CTBS: variants seen among roughly 807,000 people sequenced by gnomAD.
CTBS encodes chitobiase.
CTBS carries 35 observed loss-of-function variants against 44.3 expected under a neutral mutation model. That is an observed-to-expected ratio of 0.79 (90% confidence interval 0.60 to 1.05). The LOEUF (loss-of-function observed/expected upper bound fraction) is 1.05. Ranked by LOEUF, CTBS falls within the 50% of genes least tolerant of loss-of-function variation. The pLI is 0.00. For missense variants in CTBS, 458 were observed against 475.3 expected, an observed-to-expected ratio of 0.96 and a Z score of 0.34; for synonymous variants, 143 against 168.0, an observed-to-expected ratio of 0.85 and a Z score of 1.15.
intron 6 of CTBS, among the ~76,000 whole-genome samples, chr1:84,557,471 C>T (rs1223500492): frequency 4.5e-5 from 6 of 133,122 alleles, no homozygotes; most frequent in Non-Finnish European, 1.5e-5. Context: ...AGGCGGAGGG[C>T]GCAGTCAGCC....
Position 84,574,251 on chromosome 1 carries a change from A to T in CTBS, c.165T>A (p.His55Gln). The T allele has an allele frequency of 6.2e-7, 1 of 1,604,652 alleles. No individual in the cohort carries two copies. The highest frequency in any genetic ancestry group is 8.5e-7 in the Non-Finnish European group (1 of 1,176,500). The change falls in exon 1 of 7, where the codon CAT becomes CAA. Residue 55 changes from histidine to glutamine, a missense_variant. Physicochemically the swap from His to Gln is conservative, Grantham distance 24. Transcript: ENST00000370630. ...GGAAGGCGCTGACCTCGAAATCTGG[A>T]TGGTGGCGAATCGGGCGGCAGAGCT... ...EPELCRPIRHHPDFEVFVFDV... is the reference protein window; with the variant it reads ...EPELCRPIRHQPDFEVFVFDV...
chr1:84,566,992 C>T (rs188434750), intron 3 of CTBS, among the ~76,000 whole-genome samples: 2 of 152,260 alleles, frequency 1.3e-5, no homozygotes, highest in Non-Finnish European at 2.9e-5. Context: ...ATGTTTATTG[C>T]CTTAACCAAA....
At position 84,555,145 on chromosome 1, in the gene CTBS, A is replaced by T. The variant is rs775088103; in HGVS notation, c.1012T>A (p.Leu338Ile). ...TAGTTTTGTATATATGTTGCCTTTAAAGAAATACTCTGAGGGTTATCATAC... is the reference window on the plus strand; with the variant it reads ...TAGTTTTGTATATATGTTGCCTTTATAGAAATACTCTGAGGGTTATCATAC... ...VWYDNPQSIS[L>I]KATYIQNYRL... The change falls in exon 7 of 7, where the codon TTA (leucine) becomes ATA (isoleucine). Residue 338 changes from leucine (L) to isoleucine (I), a missense_variant. Transcript: ENST00000370630. 2 of 1,614,078 alleles carry T rather than the reference A, an allele frequency of 1.2e-6. No homozygotes were observed. Among genetic ancestry groups the T allele is most frequent in the Admixed American group, 3.3e-5 (2 of 60,024 alleles).
chr1:84,570,031 A>G lies in CTBS; in HGVS notation c.425T>C (p.Ile142Thr), dbSNP rs759256831. The change falls in exon 3 of 7, where the codon ATA becomes ACA. Residue 142 changes from isoleucine to threonine, a missense_variant. By Grantham distance (89) the Ile-to-Thr change is moderately conservative (BLOSUM62 -1). Transcript: ENST00000370630. The stretch of plus-strand genomic sequence containing the variant: ...TGATAAACAATTAACTTCTTGCTCT[A>G]TATCTATATTAATTCCATCCATATA... ...TQYMDGINID[I>T]EQEVNCLSPE... 1.9e-6 allele frequency: 3 copies of G among 1,613,626 alleles called. No homozygotes were observed. Among genetic ancestry groups the G allele is most frequent in the Admixed American group, 1.7e-5 (1 of 59,994 alleles).
intron 3 of CTBS, among the ~76,000 whole-genome samples, chr1:84,569,158 C>T (rs1647217769): frequency 6.6e-6 from 1 of 152,106 alleles, no homozygotes; most frequent in African/African-American, 2.4e-5. Context: ...ACCCCGTCTT[C>T]AAAAAAACTC....
chr1:84,560,133 G>A (rs372700162), intron 6 of CTBS, among the ~76,000 whole-genome samples: 8 of 136,842 alleles, frequency 5.8e-5, no homozygotes, highest in Admixed American at 1.4e-4. Flanking sequence ...AAGAAAGAAA[G>A]GAAAGAAAGA....
intron 3 of CTBS, among the ~76,000 whole-genome samples, chr1:84,569,703 G>A (rs1302789539): frequency 1.3e-5 from 2 of 152,230 alleles, no homozygotes; most frequent in African/African-American, 4.8e-5. Flanking sequence ...AAGGCAAGTA[G>A]TGGGGGTAAT....
At position 84,563,365 on chromosome 1, in the gene CTBS, G is replaced by A. The variant is rs367692581; in HGVS notation, c.849C>T (p.Asp283=). Residue 283 remains aspartate, a synonymous_variant, in exon 6 of 7, where the codon GAC becomes GAT. Transcript: ENST00000370630. ...TGTAGGGCACCTGACGTCCTGCAGC[G>A]TCACTACAAGGAGCCCCCCGGAAAG... ...KVPFRGAPCS[D]AAGRQVPYKT... is the part of the protein sequence containing the mutation. The A allele has an allele frequency of 1.8e-5, 29 of 1,592,968 alleles. No homozygotes were observed. The highest frequency in any genetic ancestry group is 3.5e-5 in the Admixed American group (2 of 56,468).
Position 84,554,684 on chromosome 1 carries a change from A to G in CTBS, c.*315T>C, listed in dbSNP as rs1684376110. 4 of 209,438 alleles carry G rather than the reference A, an allele frequency of 1.9e-5. No individual in the cohort carries two copies. Among genetic ancestry groups the G allele is most frequent in the Non-Finnish European group, 3.9e-5 (4 of 103,698 alleles). The allele number at this position is 209,438 out of a possible 1,614,324, so 13.0% of individuals were successfully genotyped here. A position where few individuals can be genotyped will look rare whatever the true frequency, so the allele number is the denominator to read the frequency against. ...TAAAAATCAGCATTGATTCGTGAGCATATATTTTACTATAATGAAGGGAAA... is the reference window on the plus strand; with the variant it reads ...TAAAAATCAGCATTGATTCGTGAGCGTATATTTTACTATAATGAAGGGAAA... On this transcript the variant is annotated 3_prime_UTR_variant, in exon 7 of 7. Transcript: ENST00000370630.
chr1:84,570,159 C>A lies in CTBS; in HGVS notation c.317-20G>T, dbSNP rs1419783563. The A allele has an allele frequency of 5.0e-6, 8 of 1,585,282 alleles. No individual in the cohort carries two copies. Among genetic ancestry groups the A allele is most frequent in the Non-Finnish European group, 6.9e-6 (8 of 1,162,586 alleles). On this transcript the variant is annotated intron_variant, in intron 2 of 6. Coordinates refer to ENST00000370630, the MANE Select transcript of CTBS (RefSeq NM_004388.3). ...CATCTCCTGTGGAAGAAGTATATAT[C>A]TTTTGAACATGTATGCAAAAACATT...
intron 6 of CTBS, chr1:84,555,948 T>C (rs1278111164): frequency 6.6e-6 from 1 of 152,232 alleles, no homozygotes; most frequent in Non-Finnish European, 1.5e-5. Flanking sequence ...CTACAGAAGA[T>C]TTTGTTTATG....
At chr1:84,565,816 T>C in intron 4 of CTBS, 25 bp downstream of exon 4, 1 of 1,285,172 alleles carries the variant, frequency 7.8e-7, no homozygotes, top group Non-Finnish European at 1.0e-6. Context: ...ATATTATTAA[T>C]AAATGACCAT....
chr1:84,564,486 C>A (rs1319079857), intron 4 of CTBS, among the ~76,000 whole-genome samples: 6 of 151,898 alleles, frequency 4.0e-5, no homozygotes. Flanking sequence ...TATTAAATAA[C>A]CAAAAATGGG....
chr1:84,556,203 C>T (rs1684425310), intron 6 of CTBS, among the ~76,000 whole-genome samples: 1 of 151,904 alleles, frequency 6.6e-6, no homozygotes, highest in East Asian at 1.9e-4. Context: ...AGCACATGAG[C>T]TATTGGATAA....
intron 5 of CTBS, 47 bp downstream of exon 5, chr1:84,563,688 A>G: frequency 8.6e-7 from 1 of 1,164,864 alleles, no homozygotes. Context: ...GAGACTCTAA[A>G]AAATATAATA....
intron 6 of CTBS, among the ~76,000 whole-genome samples, chr1:84,559,561 G>T (rs1412261015): frequency 6.6e-6 from 1 of 152,124 alleles, no homozygotes; most frequent in East Asian, 1.9e-4. Flanking sequence ...GGCAGAGGTT[G>T]CAGTGAACTG....
At chr1:84,565,434 A>G (rs1044575612) in intron 4 of CTBS, among the ~76,000 whole-genome samples, 2 of 152,200 alleles carry the variant, frequency 1.3e-5, no homozygotes, top group East Asian at 3.8e-4. Context: ...AACCATATCT[A>G]TCTTTGCTAT....
rs1684691247 is a variant in CTBS, at chr1:84,565,919, T to C, written c.619A>G (p.Met207Val). The C allele has an allele frequency of 1.2e-6, 2 of 1,602,142 alleles. No homozygotes were observed. The highest frequency in any genetic ancestry group is 4.5e-5 in the East Asian group (2 of 43,958). ...IADACDFLFV[M>V]SYDEQSQIWS... is the part of the protein sequence containing the mutation. ...ATCTGACTTTGTTCATCATAAGACATCACAAAGAGGAAGTCACAAGCATCT... is the reference window on the plus strand; with the variant it reads ...ATCTGACTTTGTTCATCATAAGACACCACAAAGAGGAAGTCACAAGCATCT... Residue 207 changes from methionine (M) to valine (V), a missense_variant, in exon 4 of 7, where the codon ATG becomes GTG. Transcript: ENST00000370630.
chr1:84,566,020 A>G lies in CTBS; in HGVS notation c.526-8T>C. The G allele has an allele frequency of 6.6e-7, 1 of 1,508,676 alleles. No individual in the cohort carries two copies. The highest frequency in any genetic ancestry group is 8.9e-7 in the Non-Finnish European group (1 of 1,128,460). The allele number at this position is 1,508,676 out of a possible 1,614,324, so 93.5% of individuals were successfully genotyped here. A position where few individuals can be genotyped will look rare whatever the true frequency, so the allele number is the denominator to read the frequency against. On this transcript the variant is annotated splice_polypyrimidine_tract_variant and splice_region_variant and intron_variant, in intron 3 of 6. Transcript: ENST00000370630. ...AGCTACATCAAAGGTTACCTGTGGA[A>G]AAAAATCTTACTATTTTATGTAATA...
Sources: gnomAD v4.1 joint callset for allele counts (sites outside exome capture counted in the v4.1 genomes callset) on GRCh38, gnomAD v4.1.1 for gene constraint, MANE v1.5 for transcripts, NCBI Gene and HGNC (gene_info 2026-07-23, HGNC 2026-07-21) for gene names.